Variants in CHODL observed in about 807,000 individuals in gnomAD.
CHODL encodes transmembrane protein MT75.
A neutral mutation model predicts 34.5 loss-of-function variants in CHODL; 29 were observed. The observed-to-expected ratio is 0.84, with a 90% CI of 0.63 to 1.15. The LOEUF is 1.15. Among genes scored for constraint, CHODL ranks in the 50% most tolerant of loss-of-function variants. The pLI is 0.00. For missense variants in CHODL, 332 were observed against 332.5 expected, an observed-to-expected ratio of 1.00 and a Z score of 0.01; for synonymous variants, 125 against 116.1, an observed-to-expected ratio of 1.08 and a Z score of -0.49.
intron 1 of CHODL, among the ~76,000 whole-genome samples, chr21:18,023,971 C>T (rs1187504634): frequency 2.6e-5 from 4 of 152,012 alleles, no homozygotes; most frequent in Admixed American, 6.6e-5. Context: ...AGAGACAGTC[C>T]CCCTATGAGA....
intron 2 of CHODL, among the ~76,000 whole-genome samples, chr21:18,136,892 CTTAAT>C (rs148740208): frequency 0.016 from 2,477 of 151,548 alleles, 45 homozygotes; most frequent in African/African-American, 0.054. Context: ...ATAAGATGTG[CTTAAT>C]TTAAAGTCCA....
chr21:17,927,162 ATATATG>A (rs2063234873), intron 1 of CHODL, among the ~76,000 whole-genome samples: 2 of 147,654 alleles, frequency 1.4e-5, no homozygotes, highest in African/African-American at 5.0e-5. Flanking sequence ...ATATATATGT[ATATATG>A]TATATATGTA....
chr21:18,039,577 T>C (rs157746), intron 2 of CHODL, among the ~76,000 whole-genome samples: 102,809 of 151,508 alleles, frequency 0.68, 35,965 homozygotes, highest in African/African-American at 0.82. Flanking sequence ...CTAGAAATAT[T>C]GGCCAACTTT....
intron 2 of CHODL, among the ~76,000 whole-genome samples, chr21:18,096,192 A>C (rs2065137700): frequency 6.6e-6 from 1 of 152,172 alleles, no homozygotes. Flanking sequence ...CCCTGTCTTT[A>C]ATCTCTTAAT....
At position 18,260,850 on chromosome 21, in the gene CHODL, A is replaced by AACAAC. The variant is rs1568963338; in HGVS notation, c.634+565_634+566insCAACA. On this transcript the variant is annotated intron_variant, in intron 4 of 5. Transcript: ENST00000299295. The stretch of plus-strand genomic sequence containing the variant: ...ACAACAACAACAACAACAACAACAA[A>AACAAC]AAAACACCACCAACAACAACAAAAG... Among the ~76,000 whole-genome samples the AACAAC allele has an allele frequency of 1.8e-4, 20 of 108,864 alleles. 2 individuals carry two copies. Among genetic ancestry groups the AACAAC allele is most frequent in the African/African-American group, 8.4e-4 (19 of 22,692 alleles). 71.4% of individuals were successfully genotyped at this position (108,864 alleles called of 152,430 possible).
intron 1 of CHODL, among the ~76,000 whole-genome samples, chr21:17,945,515 G>T (rs2146335800): frequency 6.6e-6 from 1 of 152,210 alleles, no homozygotes; most frequent in Middle Eastern, 3.4e-3. Flanking sequence ...GGAAAAAAGG[G>T]TCAATGAGCT....
At chr21:18,244,654 GGGGACCAGAGGAGGC>G (rs1381328763), upstream of CHODL, among the ~76,000 whole-genome samples, 5 of 152,194 alleles carry the variant, frequency 3.3e-5, no homozygotes, top group Non-Finnish European at 7.3e-5. Context: ...ACAGGGAGGA[GGGGACCAGAGGAGGC>G]GGGCTGCTGA....
chr21:17,998,635 C>T (rs2063874947), intron 1 of CHODL, among the ~76,000 whole-genome samples: 1 of 152,212 alleles, frequency 6.6e-6, no homozygotes. Context: ...TTCTGTGCAC[C>T]CACAGGCTCA....
intron 2 of CHODL, among the ~76,000 whole-genome samples, chr21:18,142,284 G>A (rs17002397): frequency 0.081 from 12,320 of 151,918 alleles, 1,479 homozygotes; most frequent in African/African-American, 0.26. Context: ...TTCTGTGGGC[G>A]GAAATACTTC....
At chr21:18,164,225 T>G (rs997552803) in intron 2 of CHODL, among the ~76,000 whole-genome samples, 4 of 152,168 alleles carry the variant, frequency 2.6e-5, no homozygotes, top group Non-Finnish European at 5.9e-5. Flanking sequence ...ATTGAAAGTC[T>G]CTGAGCTGCT....
intron 2 of CHODL, among the ~76,000 whole-genome samples, chr21:18,161,066 C>T (rs531674809): frequency 1.7e-4 from 26 of 152,048 alleles, no homozygotes; most frequent in Admixed American, 1.5e-3. Context: ...TTTTGATTTA[C>T]GTTTCTTAAG....
chr21:18,112,751 T>C (rs1013699990), intron 2 of CHODL, among the ~76,000 whole-genome samples: 19 of 152,150 alleles, frequency 1.2e-4, no homozygotes, highest in African/African-American at 2.2e-4. Flanking sequence ...TCTCACCATA[T>C]ACAAAAATCA....
intron 2 of CHODL, among the ~76,000 whole-genome samples, chr21:18,055,187 T>G (rs983978712): frequency 6.6e-6 from 1 of 152,000 alleles, no homozygotes; most frequent in Admixed American, 6.6e-5. Flanking sequence ...TTCTTGTTAG[T>G]TGGCAAATAT....
At position 18,267,354 on chromosome 21, in the gene CHODL, T is replaced by G. The variant is rs1462196061; in HGVS notation, c.*1316T>G. The G allele has an allele frequency of 1.3e-5, 2 of 152,208 alleles. No individual in the cohort carries two copies. Among genetic ancestry groups the G allele is most frequent in the Non-Finnish European group, 2.9e-5 (2 of 68,030 alleles). The allele number at this position is 152,208 out of a possible 1,614,324, so 9.4% of individuals were successfully genotyped here. Reference sequence around the variant, plus strand: ...GTGCTCCTTTTAACCAAATAAAGAGTTCTTGTTTCTGAAGAATGATGACTA... The same window carrying G: ...GTGCTCCTTTTAACCAAATAAAGAGGTCTTGTTTCTGAAGAATGATGACTA... On this transcript the variant is annotated 3_prime_UTR_variant, in exon 6 of 6. Transcript: ENST00000299295.
chr21:18,201,258 C>A (rs1227833520), intron 2 of CHODL, among the ~76,000 whole-genome samples: 1 of 151,970 alleles, frequency 6.6e-6, no homozygotes, highest in African/African-American at 2.4e-5. Context: ...CTACTGTAAG[C>A]ATGTTATTGC....
intron 2 of CHODL, among the ~76,000 whole-genome samples, chr21:18,130,330 C>T (rs2072639675): frequency 6.6e-6 from 1 of 152,136 alleles, no homozygotes; most frequent in African/African-American, 2.4e-5. Flanking sequence ...TATTATTATT[C>T]CTAGTGCTCA....
chr21:18,060,374 G>T (rs552143772), intron 2 of CHODL, among the ~76,000 whole-genome samples: 1 of 152,082 alleles, frequency 6.6e-6, no homozygotes, highest in African/African-American at 2.4e-5. Flanking sequence ...AGGATCACTT[G>T]AAAAGGTCGA....
intron 2 of CHODL, among the ~76,000 whole-genome samples, chr21:18,098,777 A>G (rs1484985537): frequency 6.6e-6 from 1 of 152,142 alleles, no homozygotes; most frequent in Non-Finnish European, 1.5e-5. Flanking sequence ...TTGTATTCCC[A>G]TGTTTGTTAC....
chr21:17,946,133 C>A (rs573878822), intron 1 of CHODL, among the ~76,000 whole-genome samples: 2 of 152,072 alleles, frequency 1.3e-5, no homozygotes, highest in Non-Finnish European at 2.9e-5. Flanking sequence ...AAAAGAGATT[C>A]TAGGTTGGGC....
Sources: allele counts gnomAD v4.1 joint callset (sites outside exome capture counted in the v4.1 genomes callset), GRCh38; gene constraint gnomAD v4.1.1; transcripts MANE v1.5; gene names NCBI Gene and HGNC (gene_info 2026-07-23, HGNC 2026-07-21).